ATP2C1: variants seen among roughly 807,000 people sequenced by gnomAD.
ATP2C1 encodes ATPase secretory pathway Ca2+ transporting 1, also known as calcium-transporting ATPase type 2C member 1.
Under a neutral mutation model 120.5 loss-of-function variants are expected in ATP2C1, and 31 were observed. The ratio of observed to expected loss-of-function variants is 0.26; its 90% CI spans 0.19 to 0.35. The LOEUF (loss-of-function observed/expected upper bound fraction) is 0.35. Among genes scored for constraint, ATP2C1 ranks in the 10% least tolerant of loss-of-function variants. The probability of loss-of-function intolerance (pLI) is 1.00; values close to 1 mark genes in which losing one functional copy is unlikely to be tolerated. For synonymous variants in ATP2C1, 351 were observed against 358.7 expected, an observed-to-expected ratio of 0.98 and a Z score of 0.24; for missense variants, 731 against 1,107.5, an observed-to-expected ratio of 0.66 and a Z score of 4.83.
intron 8 of ATP2C1, among the ~76,000 whole-genome samples, chr3:130,947,913 A>G (rs897652258): frequency 2.6e-5 from 4 of 152,170 alleles, no homozygotes; most frequent in Non-Finnish European, 5.9e-5. Flanking sequence ...ATAACAATCT[A>G]TTTGAAGTGA....
In ATP2C1 at chr3:130,954,070, T is replaced by C; in HGVS notation, c.687+94T>C. On this transcript the variant is annotated intron_variant, in intron 9 of 27. Transcript: ENST00000510168. ...CTGATTTTATGTGGAATTTTTCAAA[T>C]ACATGACAAAGGATAAAATTGAACT... The C allele has an allele frequency of 2.2e-6, 3 of 1,341,016 alleles. No homozygotes were observed. In the South Asian group the frequency reaches 3.6e-5, roughly 16 times the overall value. The allele number at this position is 1,341,016 out of a possible 1,614,324, so 83.1% of individuals were successfully genotyped here. A position where few individuals can be genotyped will look rare whatever the true frequency, so the allele number is the denominator to read the frequency against.
At chr3:130,938,150 C>G (rs1229875380) in intron 6 of ATP2C1, among the ~76,000 whole-genome samples, 3 of 152,082 alleles carry the variant, frequency 2.0e-5, no homozygotes, top group Non-Finnish European at 1.5e-5. Context: ...AAAGTAGCCC[C>G]TTTTAAAAAT....
intron 2 of ATP2C1, among the ~76,000 whole-genome samples, chr3:130,905,528 A>G (rs2058082465): frequency 1.3e-5 from 2 of 152,134 alleles, no homozygotes; most frequent in Non-Finnish European, 2.9e-5. Context: ...GTTTTAAACT[A>G]GAGTACAATA....
At chr3:131,004,818 T>TTTTCACAG (rs542759999), downstream of ATP2C1, among the ~76,000 whole-genome samples, 328 of 152,278 alleles carry the variant, frequency 2.2e-3, no homozygotes, top group African/African-American at 7.4e-3. Flanking sequence ...AAAACCACAA[T>TTTTCACAG]GAGTTTGACA....
chr3:130,865,833 A>C (rs2068159136), intron 1 of ATP2C1, among the ~76,000 whole-genome samples: 1 of 152,218 alleles, frequency 6.6e-6, no homozygotes, highest in African/African-American at 2.4e-5. Flanking sequence ...GTCTTTCAGC[A>C]GCATCAAAAC....
chr3:130,984,444 A>G (rs536133099), intron 20 of ATP2C1, among the ~76,000 whole-genome samples: 17 of 152,196 alleles, frequency 1.1e-4, no homozygotes, highest in Non-Finnish European at 2.1e-4. Flanking sequence ...TTATATTTCC[A>G]TAAACTACAC....
chr3:131,014,532 TC>T, intron 26 of ATP2C1: 8 of 845,936 alleles, frequency 9.5e-6, no homozygotes, highest in South Asian at 2.1e-5. Context: ...TTAAGAATAA[TC>T]TGTTCTTTGA....
intron 20 of ATP2C1, among the ~76,000 whole-genome samples, chr3:130,992,321 G>C (rs2062394169): frequency 6.6e-6 from 1 of 152,188 alleles, no homozygotes; most frequent in Non-Finnish European, 1.5e-5. Context: ...CACTAGGTTA[G>C]AGCAAAGTGA....
chr3:130,887,014 T>C (rs2068990831), intron 1 of ATP2C1, among the ~76,000 whole-genome samples: 2 of 152,194 alleles, frequency 1.3e-5, no homozygotes, highest in Admixed American at 6.5e-5. Context: ...ACTAGGGTAT[T>C]GTGGTCTAAG....
intron 21 of ATP2C1, among the ~76,000 whole-genome samples, 185 bp downstream of exon 21, chr3:130,993,186 T>C (rs1234554813): frequency 3.3e-5 from 5 of 152,170 alleles, no homozygotes; most frequent in Admixed American, 1.3e-4. Context: ...GCATAAGATG[T>C]AGAAGAAAAC....
chr3:130,931,057 A>G (rs1299865517), intron 3 of ATP2C1, among the ~76,000 whole-genome samples: 2 of 152,132 alleles, frequency 1.3e-5, no homozygotes, highest in Non-Finnish European at 2.9e-5. Flanking sequence ...AACATGAAAA[A>G]GATAATATTT....
chr3:130,879,299 C>A (rs375676110), intron 1 of ATP2C1, among the ~76,000 whole-genome samples: 4 of 152,068 alleles, frequency 2.6e-5, no homozygotes, highest in East Asian at 3.9e-4. Context: ...GAACTCCTGA[C>A]CTCGTGATCC....
At chr3:130,925,366 C>T (rs562732414) in intron 2 of ATP2C1, among the ~76,000 whole-genome samples, 24 of 151,854 alleles carry the variant, frequency 1.6e-4, no homozygotes, top group African/African-American at 4.6e-4. Context: ...GCCACCCAGT[C>T]GAGCTACCAG....
In ATP2C1 at chr3:131,001,689, A is replaced by G; in HGVS notation, c.*339A>G. 5.1e-6 allele frequency: 5 copies of G among 972,466 alleles called. No individual in the cohort carries two copies. Among genetic ancestry groups the G allele is most frequent in the Middle Eastern group, 5.3e-4 (1 of 1,886 alleles). The allele number at this position is 972,466 out of a possible 1,614,324, so 60.2% of individuals were successfully genotyped here. A position where few individuals can be genotyped will look rare whatever the true frequency, so the allele number is the denominator to read the frequency against. On this transcript the variant is annotated 3_prime_UTR_variant, in exon 28 of 28. Transcript: ENST00000510168. The stretch of plus-strand genomic sequence containing the variant: ...AATACACTATCTATCTTAGATAGAT[A>G]TATTTTTTTTTATTTTTAAATATTG...
intron 5 of ATP2C1, among the ~76,000 whole-genome samples, chr3:130,934,951 G>A (rs2059603577): frequency 6.6e-6 from 1 of 152,074 alleles, no homozygotes; most frequent in Non-Finnish European, 1.5e-5. Flanking sequence ...TTCTGCCTCA[G>A]CATCCTGAGT....
intron 2 of ATP2C1, among the ~76,000 whole-genome samples, chr3:130,912,499 A>G (rs1347084492): frequency 2.7e-5 from 4 of 148,520 alleles, no homozygotes; most frequent in South Asian, 2.1e-4. Flanking sequence ...AACACATGAA[A>G]AAATGCTCAT....
intron 1 of ATP2C1, among the ~76,000 whole-genome samples, chr3:130,888,069 T>G (rs111303792): frequency 1.8e-4 from 28 of 152,262 alleles, no homozygotes; most frequent in African/African-American, 5.8e-4. Flanking sequence ...CAGGTGTGGA[T>G]CCTTCCCTTC....
intron 16 of ATP2C1, 88 bp from the exon 17 acceptor site, chr3:130,969,204 C>T (rs1235488615): frequency 1.2e-6 from 1 of 856,412 alleles, no homozygotes; most frequent in Non-Finnish European, 2.0e-6. Flanking sequence ...TCCAGCCAAC[C>T]TAGTTACAAG....
chr3:130,904,728 C>T (rs1481633960), intron 2 of ATP2C1, among the ~76,000 whole-genome samples: 1 of 152,014 alleles, frequency 6.6e-6, no homozygotes, highest in East Asian at 1.9e-4. Flanking sequence ...GTTTTGCTAT[C>T]TATCAATGGT....
Sources: gnomAD v4.1 joint callset for allele counts (sites outside exome capture counted in the v4.1 genomes callset) on GRCh38, gnomAD v4.1.1 for gene constraint, MANE v1.5 for transcripts, NCBI Gene and HGNC (gene_info 2026-07-23, HGNC 2026-07-21) for gene names.